DSCAM: variants seen among roughly 807,000 people sequenced by gnomAD.
DSCAM encodes DS cell adhesion molecule.
DSCAM carries 47 observed loss-of-function variants against 217.7 expected under a neutral mutation model. The observed-to-expected ratio is 0.22, with a 90% CI of 0.17 to 0.28. The LOEUF (loss-of-function observed/expected upper bound fraction) is 0.28, where lower values mean the gene tolerates loss of function less well. Ranked by LOEUF, DSCAM falls within the 10% of genes least tolerant of loss-of-function variation. DSCAM has a pLI of 1.00. For missense variants in DSCAM, 2,080 were observed against 2,618.3 expected (o/e 0.79, Z 4.49); for synonymous variants, 1,056 against 1,015.3 (o/e 1.04, Z -0.76).
At chr21:40,506,269 G>C (rs1293458294) in intron 3 of DSCAM, among the ~76,000 whole-genome samples, 2 of 152,164 alleles carry the variant, frequency 1.3e-5, no homozygotes, top group Non-Finnish European at 2.9e-5. Context: ...TTTGAGATAA[G>C]CAATAAAGAG....
chr21:40,605,380 T>C (rs73368925), intron 3 of DSCAM, among the ~76,000 whole-genome samples: 1 of 152,156 alleles, frequency 6.6e-6, no homozygotes, highest in Non-Finnish European at 1.5e-5. Context: ...TCTGTTCAGC[T>C]TTTTTTCATG....
At chr21:40,395,193 A>G (rs1374079885) in intron 3 of DSCAM, among the ~76,000 whole-genome samples, 1 of 152,208 alleles carries the variant, frequency 6.6e-6, no homozygotes, top group East Asian at 1.9e-4. Context: ...GATGTGGTGC[A>G]GTATTTTTAA....
chr21:40,038,769 A>T (rs1203341138), intron 32 of DSCAM, among the ~76,000 whole-genome samples: 1 of 148,470 alleles, frequency 6.7e-6, no homozygotes, highest in East Asian at 2.1e-4. Flanking sequence ...AACCAACCCA[A>T]ATGTCCAACA....
intron 1 of DSCAM, among the ~76,000 whole-genome samples, chr21:40,738,912 G>T (rs1156548498): frequency 1.3e-5 from 2 of 152,170 alleles, no homozygotes; most frequent in East Asian, 3.9e-4. Flanking sequence ...CCAACAAGGA[G>T]AGGGATGGAA....
chr21:40,253,288 A>C (rs2073329006), intron 11 of DSCAM, among the ~76,000 whole-genome samples: 1 of 152,194 alleles, frequency 6.6e-6, no homozygotes, highest in South Asian at 2.1e-4. Context: ...TAGGGACTGT[A>C]TAGCAGGGAG....
chr21:40,207,641 A>C (rs144965064), intron 11 of DSCAM, among the ~76,000 whole-genome samples: 267 of 152,330 alleles, frequency 1.8e-3, no homozygotes, highest in African/African-American at 6.1e-3. Context: ...CATATTATTC[A>C]GCCCCTAAAA....
intron 3 of DSCAM, among the ~76,000 whole-genome samples, chr21:40,400,217 T>C (rs1204396798): frequency 6.6e-6 from 1 of 152,118 alleles, no homozygotes; most frequent in Admixed American, 6.5e-5. Flanking sequence ...GTGGTAGAAA[T>C]CTTAAAAGAT....
intron 11 of DSCAM, among the ~76,000 whole-genome samples, chr21:40,240,697 G>A (rs971776035): frequency 1.3e-5 from 2 of 152,074 alleles, no homozygotes; most frequent in East Asian, 3.9e-4. Context: ...AGTATCCATT[G>A]ATTGCCCTGT....
intron 15 of DSCAM, among the ~76,000 whole-genome samples, chr21:40,172,588 A>C (rs1051569628): frequency 6.6e-6 from 1 of 152,148 alleles, no homozygotes; most frequent in Non-Finnish European, 1.5e-5. Context: ...CTGAGACTCA[A>C]GCCTCGGTGC....
chr21:40,072,472 A>G (rs9984822), intron 27 of DSCAM, among the ~76,000 whole-genome samples: 72,684 of 151,154 alleles, frequency 0.48, 19,241 homozygotes, highest in East Asian at 0.7. Context: ...TCAGCCTCCC[A>G]AGTAGTTGGG....
At chr21:40,735,597 T>C (rs2091055197) in intron 1 of DSCAM, among the ~76,000 whole-genome samples, 2 of 152,164 alleles carry the variant, frequency 1.3e-5, no homozygotes, top group African/African-American at 2.4e-5. Flanking sequence ...GAAATGTCAT[T>C]GCATCCTTTA....
intron 11 of DSCAM, among the ~76,000 whole-genome samples, chr21:40,236,300 C>T (rs1457470959): frequency 1.3e-5 from 2 of 152,144 alleles, no homozygotes; most frequent in Admixed American, 6.6e-5. Context: ...TCAAAATATG[C>T]TTCTCAAAGT....
At chr21:40,692,395 T>C (rs567207562) in intron 3 of DSCAM, among the ~76,000 whole-genome samples, 8 of 152,336 alleles carry the variant, frequency 5.3e-5, no homozygotes, top group South Asian at 2.1e-4. Context: ...TCTCAAGACA[T>C]TGGAAAGCAC....
chr21:40,622,774 C>G (rs1413732777), intron 3 of DSCAM, among the ~76,000 whole-genome samples: 1 of 151,918 alleles, frequency 6.6e-6, no homozygotes, highest in Non-Finnish European at 1.5e-5. Context: ...CTCTGTCTTC[C>G]CAGTCGTGCT....
intron 20 of DSCAM, among the ~76,000 whole-genome samples, chr21:40,123,895 T>C (rs1171105918): frequency 6.6e-6 from 1 of 152,154 alleles, no homozygotes; most frequent in Non-Finnish European, 1.5e-5. Context: ...TGACTATCAA[T>C]TAAGGCACAA....
At chr21:40,266,795 TATATACACAC>T (rs1353502755) in intron 11 of DSCAM, among the ~76,000 whole-genome samples, 2,317 of 137,348 alleles carry the variant, frequency 0.017, 80 homozygotes, top group African/African-American at 0.061. Flanking sequence ...TATATATATA[TATATACACAC>T]ACACACACCC....
At position 40,144,618 on chromosome 21, in the gene DSCAM, C is replaced by T. The variant is rs1321986392; in HGVS notation, c.3132G>A (p.Gly1044=). ...QFNIISVDTS[G]DSEVYTLDNL... ...TGTCCAGGGTGTAAACCTCACTGTC[C>T]CCGCTGGTGTCGACACTGATAATGT... Residue 1044 remains glycine, a synonymous_variant, in exon 17 of 33, where the codon GGG becomes GGA. Transcript: ENST00000400454. This position sits in a 1 kb window ranked among gnomAD's most constrained non-coding sequence, Gnocchi z 4.8. 1 of 1,613,992 alleles carries T rather than the reference C, an allele frequency of 6.2e-7. No homozygotes were observed. The highest frequency in any genetic ancestry group is 1.3e-5 in the African/African-American group (1 of 74,902).
chr21:40,433,116 T>C (rs1047643146), intron 3 of DSCAM, among the ~76,000 whole-genome samples: 4 of 151,844 alleles, frequency 2.6e-5, no homozygotes, highest in African/African-American at 9.7e-5. Context: ...CCCAGCACTT[T>C]GAGAGGCTGA....
chr21:40,790,769 A>G (rs1464776371), intron 1 of DSCAM, among the ~76,000 whole-genome samples: 1 of 152,236 alleles, frequency 6.6e-6, no homozygotes, highest in Non-Finnish European at 1.5e-5. Context: ...AATTTGTAAC[A>G]TGTTCTAGGA....
Sources: gnomAD v4.1 joint callset for allele counts (sites outside exome capture counted in the v4.1 genomes callset) on GRCh38, gnomAD v4.1.1 for gene constraint, Gnocchi (gnomAD v3.1) non-coding constraint, MANE v1.5 for transcripts, NCBI Gene and HGNC (gene_info 2026-07-23, HGNC 2026-07-21) for gene names.